OGFOD3: variants seen among roughly 807,000 people sequenced by gnomAD.
The protein encoded by OGFOD3 is 2-oxoglutarate and iron-dependent oxygenase domain-containing protein 3.
A neutral mutation model predicts 39.8 loss-of-function variants in OGFOD3; 35 were observed. The observed-to-expected ratio is 0.88, with a 90% confidence interval of 0.67 to 1.17. The LOEUF is 1.17. Ranked by LOEUF, OGFOD3 falls within the 50% of genes most tolerant of loss-of-function variation. The pLI is 0.00. For synonymous variants in OGFOD3, 200 were observed against 192.0 expected (o/e 1.04, Z -0.34); for missense variants, 438 against 454.5 (o/e 0.96, Z 0.33).
chr17:82,416,876 C>T (rs74962663), intron 1 of OGFOD3, among the ~76,000 whole-genome samples: 2 of 151,858 alleles, frequency 1.3e-5, no homozygotes, highest in African/African-American at 2.4e-5. Flanking sequence ...GGTTTCACCA[C>T]GTTGGTCAGG....
intron 8 of OGFOD3, chr17:82,393,396 CG>C (rs1447985114): frequency 6.6e-6 from 1 of 152,238 alleles, no homozygotes; most frequent in Non-Finnish European, 1.5e-5. Flanking sequence ...AAGTCCATCC[CG>C]GGTGTGCAGG....
At chr17:82,394,601 T>C in intron 8 of OGFOD3, 1 of 1,410,226 alleles carries the variant, frequency 7.1e-7, no homozygotes. Flanking sequence ...GCCTGGGCGG[T>C]GCACACCCTA....
Position 82,392,330 on chromosome 17 carries a change from G to A in OGFOD3, c.*68C>T, listed in dbSNP as rs2143169932. ...GCAACAGGAGCGGGTGGACGTGGGG[G>A]TGGGTGCACGACTGGCGCGGCTGCC... On this transcript the variant is annotated 3_prime_UTR_variant, in exon 9 of 9. Coordinates refer to ENST00000313056, the MANE Select transcript of OGFOD3 (RefSeq NM_024648.3). The surrounding 1 kb of genome is among the most constrained non-coding windows in gnomAD (Gnocchi z 4.2). 3 of 1,539,394 alleles carry A rather than the reference G, an allele frequency of 1.9e-6. No homozygotes were observed. The highest frequency in any genetic ancestry group is 4.7e-5 in the East Asian group (2 of 42,500).
chr17:82,410,552 G>A (rs1173788101), intron 3 of OGFOD3, among the ~76,000 whole-genome samples: 1 of 152,154 alleles, frequency 6.6e-6, no homozygotes, highest in Non-Finnish European at 1.5e-5. Context: ...GCTCCGTGGG[G>A]AGCATGGGGC....
chr17:82,404,799 G>T lies in OGFOD3; in HGVS notation c.545+525C>A, dbSNP rs1371758217. Among the ~76,000 whole-genome samples the T allele has an allele frequency of 5.5e-5, 8 of 146,312 alleles. No homozygotes were observed. Among genetic ancestry groups the T allele is most frequent in the African/African-American group, 1.8e-4 (7 of 39,226 alleles). On this transcript the variant is annotated intron_variant, in intron 6 of 8. Transcript: ENST00000313056. This position sits in a 1 kb window ranked among gnomAD's most constrained non-coding sequence, Gnocchi z 4.5. ...TCTGTCACCCAGGCTGGAGTGCAGT[G>T]GTGCAATCTCAGCTCACTGCAACCT...
At position 82,394,561 on chromosome 17, in the gene OGFOD3, G is replaced by A. The variant is rs1487502328; in HGVS notation, c.824-2027C>T. 7.5e-6 allele frequency: 12 copies of A among 1,589,874 alleles called. No homozygotes were observed. The South Asian group carries it at 8.0e-5, about 11-fold the overall frequency. Reference sequence around the variant, plus strand: ...AAAACATCCTGGGGACACAGGACAGGGATTGTGTGGTAAAGGGTTGACTCC... The same window carrying A: ...AAAACATCCTGGGGACACAGGACAGAGATTGTGTGGTAAAGGGTTGACTCC... On this transcript the variant is annotated intron_variant, in intron 8 of 8. Coordinates refer to ENST00000313056, the MANE Select transcript of OGFOD3 (RefSeq NM_024648.3).
chr17:82,403,775 C>G, intron 7 of OGFOD3, 162 bp downstream of exon 7: 1 of 918,206 alleles, frequency 1.1e-6, no homozygotes, highest in Admixed American at 2.1e-5. Context: ...TCACCCTGCC[C>G]ACGTGCGTAC....
At chr17:82,410,581 G>A (rs1190570725) in intron 3 of OGFOD3, among the ~76,000 whole-genome samples, 1 of 152,202 alleles carries the variant, frequency 6.6e-6, no homozygotes, top group Non-Finnish European at 1.5e-5. Context: ...GCAGCCCCCA[G>A]AGGCGGCCAC....
intron 8 of OGFOD3, chr17:82,394,642 C>A (rs993307124): frequency 2.1e-6 from 2 of 959,426 alleles, no homozygotes; most frequent in South Asian, 1.8e-5. Flanking sequence ...GGCCTTTGCC[C>A]CGGCTCCCAG....
At chr17:82,410,524 T>C (rs1247978168) in intron 3 of OGFOD3, among the ~76,000 whole-genome samples, 1 of 152,136 alleles carries the variant, frequency 6.6e-6, no homozygotes, top group African/African-American at 2.4e-5. Flanking sequence ...TGAGCGGTCA[T>C]TGAGCAGTGT....
intron 5 of OGFOD3, among the ~76,000 whole-genome samples, chr17:82,405,778 C>T (rs1431028763): frequency 6.6e-6 from 1 of 151,722 alleles, no homozygotes; most frequent in Admixed American, 6.6e-5. Flanking sequence ...GGCACAACCC[C>T]ATCTCTACTA....
At chr17:82,395,133 G>A (rs916625533) in intron 8 of OGFOD3, among the ~76,000 whole-genome samples, 1 of 152,218 alleles carries the variant, frequency 6.6e-6, no homozygotes, top group Non-Finnish European at 1.5e-5. Context: ...CCAGGCTCAA[G>A]CAATCCTCCC....
chr17:82,405,244 CCGG>C (rs1322176866), intron 6 of OGFOD3, 77 bp downstream of exon 6: 1 of 1,294,178 alleles, frequency 7.7e-7, no homozygotes, highest in East Asian at 2.3e-5. Context: ...TGGGGCCTCC[CCGG>C]ACCGGCCAGC....
intron 3 of OGFOD3, among the ~76,000 whole-genome samples, chr17:82,410,708 T>C (rs1165844471): frequency 1.4e-5 from 2 of 138,142 alleles, no homozygotes; most frequent in African/African-American, 2.7e-5. Flanking sequence ...AAGCACATAA[T>C]TCTTTTTTTT....
intron 1 of OGFOD3, among the ~76,000 whole-genome samples, chr17:82,417,526 G>A (rs1417999809): frequency 6.6e-6 from 1 of 151,648 alleles, no homozygotes; most frequent in Non-Finnish European, 1.5e-5. Flanking sequence ...GGCTGAGGCA[G>A]GAGAATCTCT....
Position 82,406,448 on chromosome 17 carries a change from G to T in OGFOD3, c.458C>A (p.Ser153Tyr). 2 of 1,614,186 alleles carry T rather than the reference G, an allele frequency of 1.2e-6. No individual in the cohort carries two copies. Among genetic ancestry groups the T allele is most frequent in the South Asian group, 1.1e-5 (1 of 91,084 alleles). Residue 153 changes from serine (S) to tyrosine (Y), a missense_variant, in exon 5 of 9, where the codon TCT becomes TAT. Physicochemically the swap from Ser to Tyr is moderately radical, Grantham distance 144 (BLOSUM62 -2). Transcript: ENST00000313056. This position sits in a 1 kb window ranked among gnomAD's most constrained non-coding sequence, Gnocchi z 5.2. ...SILDLHSGALSVGKHFVNLYR... is the reference protein window; with the variant it reads ...SILDLHSGALYVGKHFVNLYR... ...CAGGTTCACAAAGTGCTTCCCGACA[G>T]ACAGGGCCCCTGAGTGCAAGTCCAG...
chr17:82,415,093 AC>A lies in OGFOD3; in HGVS notation c.304+304del, dbSNP rs1162172915. 6.6e-6 allele frequency among the ~76,000 whole-genome samples: 1 copy of A among 152,192 alleles called. No homozygotes were observed. Among genetic ancestry groups the A allele is most frequent in the African/African-American group, 2.4e-5 (1 of 41,446 alleles). On this transcript the variant is annotated intron_variant, in intron 2 of 8. Coordinates refer to ENST00000313056, the MANE Select transcript of OGFOD3 (RefSeq NM_024648.3). This position sits in a 1 kb window ranked among gnomAD's most constrained non-coding sequence, Gnocchi z 5.3. ...ATTTTCCCCAACATTCTCTGACTCT[AC>A]CACATTCTCCAGTCAAAAAATCTTT...
intron 8 of OGFOD3, 35 bp downstream of exon 8, chr17:82,398,161 G>A (rs772489127): frequency 2.5e-6 from 4 of 1,612,932 alleles, no homozygotes; most frequent in Admixed American, 1.7e-5. Context: ...CCTGAGCCAG[G>A]AGCCCCACGC....
chr17:82,413,153 T>G (rs1004174591), intron 2 of OGFOD3, among the ~76,000 whole-genome samples: 1 of 152,326 alleles, frequency 6.6e-6, no homozygotes, highest in Middle Eastern at 3.4e-3. Flanking sequence ...TTATAAGGTT[T>G]ACCCCACAAA....
Sources: gnomAD v4.1 joint callset for allele counts (sites outside exome capture counted in the v4.1 genomes callset) on GRCh38, gnomAD v4.1.1 for gene constraint, Gnocchi (gnomAD v3.1) non-coding constraint, MANE v1.5 for transcripts, NCBI Gene and HGNC (gene_info 2026-07-23, HGNC 2026-07-21) for gene names.